The following FGF2 variants were observed in gnomAD, a reference collection of about 807,000 sequenced individuals.
FGF2 encodes fibroblast growth factor 2, also known as basic fibroblast growth factor bFGF.
In FGF2, 13 loss-of-function variants were observed where a neutral mutation model predicts 15.9. The observed-to-expected ratio is 0.82, with a 90% CI of 0.53 to 1.30. The LOEUF (loss-of-function observed/expected upper bound fraction) is 1.30, where lower values mean the gene tolerates loss of function less well. FGF2 is among the 50% of genes most tolerant of loss of function. FGF2 has a pLI of 0.00. For missense variants in FGF2, 163 were observed against 196.9 expected, an observed-to-expected ratio of 0.83 and a Z score of 1.03; for synonymous variants, 90 against 78.4, an observed-to-expected ratio of 1.15 and a Z score of -0.78.
chr4:122,840,975 T>TC (rs1489841472), intron 1 of FGF2, among the ~76,000 whole-genome samples: 15 of 152,092 alleles, frequency 9.9e-5, no homozygotes, highest in African/African-American at 3.6e-4. Context: ...TGAAAAAAAC[T>TC]CCAAGAGGTT....
At chr4:122,854,990 G>A (rs1394776517) in intron 1 of FGF2, among the ~76,000 whole-genome samples, 1 of 151,956 alleles carries the variant, frequency 6.6e-6, no homozygotes, top group Admixed American at 6.6e-5. Context: ...CTCCTCCTCC[G>A]GGCACACACA....
At chr4:122,847,450 C>G (rs1726135638) in intron 1 of FGF2, among the ~76,000 whole-genome samples, 1 of 152,072 alleles carries the variant, frequency 6.6e-6, no homozygotes. Flanking sequence ...TGGAAGTCAA[C>G]CTGGCTTTGG....
chr4:122,869,456 TC>T (rs1214612902), intron 1 of FGF2, among the ~76,000 whole-genome samples: 3 of 152,262 alleles, frequency 2.0e-5, no homozygotes, highest in African/African-American at 7.2e-5. Flanking sequence ...TAGTGATTCT[TC>T]CTATCCTTGA....
intron 1 of FGF2, among the ~76,000 whole-genome samples, chr4:122,856,852 C>T (rs1254636611): frequency 2.0e-5 from 3 of 152,164 alleles, no homozygotes; most frequent in East Asian, 1.9e-4. Flanking sequence ...TGCACTCACT[C>T]CCTCAGCCCC....
chr4:122,852,914 ATG>A (rs1726266236), intron 1 of FGF2, among the ~76,000 whole-genome samples: 1 of 152,154 alleles, frequency 6.6e-6, no homozygotes. Context: ...AACCTACGGT[ATG>A]TTTATAGTCC....
At chr4:122,845,002 C>A (rs1310334236) in intron 1 of FGF2, among the ~76,000 whole-genome samples, 1 of 152,142 alleles carries the variant, frequency 6.6e-6, no homozygotes, top group African/African-American at 2.4e-5. Flanking sequence ...GGCAGCTATA[C>A]CCTTACAAAA....
intron 2 of FGF2, chr4:122,882,429 T>C (rs1175302711): frequency 6.6e-6 from 1 of 152,240 alleles, no homozygotes; most frequent in Non-Finnish European, 1.5e-5. Context: ...CAAATAGGTA[T>C]TAAGCTTCCC....
chr4:122,868,782 G>A (rs1726661354), intron 1 of FGF2, among the ~76,000 whole-genome samples: 1 of 152,100 alleles, frequency 6.6e-6, no homozygotes, highest in Admixed American at 6.5e-5. Flanking sequence ...AGTATCTGTT[G>A]TTTCCTGACT....
intron 1 of FGF2, among the ~76,000 whole-genome samples, chr4:122,838,599 A>T (rs1725913340): frequency 6.6e-6 from 1 of 152,216 alleles, no homozygotes; most frequent in African/African-American, 2.4e-5. Flanking sequence ...AGAATTCCGC[A>T]TGGACAAACT....
chr4:122,897,802 G>T lies in FGF2; in HGVS notation c.*5406G>T. On this transcript the variant is annotated 3_prime_UTR_variant, in exon 3 of 3. Transcript: ENST00000644866. ...AGAATATATTTTTTAGTAATTGCAT[G>T]CAAAATTTTTCTAGCTTCCATCCTT... is the stretch of plus-strand genomic sequence containing the variant. 1 of 686,200 alleles carries T rather than the reference G, an allele frequency of 1.5e-6. No individual in the cohort carries two copies. Among genetic ancestry groups the T allele is most frequent in the Non-Finnish European group, 2.6e-6 (1 of 390,162 alleles). 42.5% of individuals were successfully genotyped at this position (686,200 alleles called of 1,614,324 possible).
intron 1 of FGF2, among the ~76,000 whole-genome samples, chr4:122,830,816 C>CA (rs35597051): frequency 0.13 from 11,760 of 92,502 alleles, 1,056 homozygotes; most frequent in African/African-American, 0.15. Context: ...CTCTTATTTA[C>CA]AAAAAAAAAA....
chr4:122,885,098 A>G (rs1560757544), intron 2 of FGF2, among the ~76,000 whole-genome samples: 2 of 152,130 alleles, frequency 1.3e-5, no homozygotes, highest in African/African-American at 2.4e-5. Flanking sequence ...CATCTGGTCT[A>G]TTTTCCTTAG....
chr4:122,862,104 T>C (rs41453044), intron 1 of FGF2, among the ~76,000 whole-genome samples: 2,354 of 152,330 alleles, frequency 0.015, 71 homozygotes, highest in African/African-American at 0.054. Flanking sequence ...AGACCAATGT[T>C]ATATTTTCCT....
intron 1 of FGF2, among the ~76,000 whole-genome samples, chr4:122,854,702 G>A (rs1726302858): frequency 6.6e-6 from 1 of 152,218 alleles, no homozygotes; most frequent in African/African-American, 2.4e-5. Flanking sequence ...CTTCTCAGAA[G>A]TTTTGGAGAT....
chr4:122,829,701 A>G (rs2926173), intron 1 of FGF2, among the ~76,000 whole-genome samples: 2,082 of 152,200 alleles, frequency 0.014, 35 homozygotes, highest in South Asian at 0.095. Flanking sequence ...TCCCTCCCCA[A>G]CTTCCCACCC....
chr4:122,830,003 CT>C (rs1725727784), intron 1 of FGF2, among the ~76,000 whole-genome samples: 2 of 152,242 alleles, frequency 1.3e-5, no homozygotes, highest in South Asian at 4.1e-4. Flanking sequence ...ATTTCTAGAC[CT>C]GTTTGAAAAG....
At position 122,826,947 on chromosome 4, in the gene FGF2, CGGGCCGCCGGCTCGCCGCGCACCAG is replaced by C; in HGVS notation, c.-221_-197del. On this transcript the variant is annotated 5_prime_UTR_variant, in exon 1 of 3. Transcript: ENST00000644866. ...ACACCCATCCGTGAACCCCAGGTCC[CGGGCCGCCGGCTCGCCGCGCACCAG>C]GGGCCGGCGGACAGAAGAGCGGCCG... The C allele has an allele frequency of 7.3e-7, 1 of 1,372,004 alleles. No homozygotes were observed. 85.0% of individuals were successfully genotyped at this position (1,372,004 alleles called of 1,614,324 possible). A position where few individuals can be genotyped will look rare whatever the true frequency, so the allele number is the denominator to read the frequency against.
chr4:122,842,190 G>A (rs1726001470), intron 1 of FGF2, among the ~76,000 whole-genome samples: 1 of 152,136 alleles, frequency 6.6e-6, no homozygotes. Flanking sequence ...ACCTGTTGGG[G>A]GAAATACTAT....
At chr4:122,851,418 G>C (rs1378490046) in intron 1 of FGF2, among the ~76,000 whole-genome samples, 1 of 152,182 alleles carries the variant, frequency 6.6e-6, no homozygotes, top group Non-Finnish European at 1.5e-5. Flanking sequence ...ATGGCCAATA[G>C]AAAAGAGTAT....
Sources: gnomAD v4.1 joint callset for allele counts (sites outside exome capture counted in the v4.1 genomes callset) on GRCh38, gnomAD v4.1.1 for gene constraint, MANE v1.5 for transcripts, NCBI Gene and HGNC (gene_info 2026-07-23, HGNC 2026-07-21) for gene names.